The following PTPRO variants were observed in gnomAD, a reference collection of about 807,000 sequenced individuals.
The protein encoded by PTPRO is receptor-type tyrosine-protein phosphatase O.
PTPRO carries 62 observed loss-of-function variants against 145.2 expected under a neutral mutation model. The observed-to-expected ratio is 0.43, with a 90% CI of 0.35 to 0.53. The LOEUF is 0.53. PTPRO is among the 20% of genes least tolerant of loss of function. The probability of loss-of-function intolerance (pLI) is 0.01; values close to 1 mark genes in which losing one functional copy is unlikely to be tolerated. For synonymous variants in PTPRO, 565 were observed against 514.7 expected (o/e 1.10, Z -1.32); for missense variants, 1,345 against 1,482.7 (o/e 0.91, Z 1.53).
At chr12:15,546,408 C>A in intron 12 of PTPRO, 161 bp from the exon 13 acceptor site, 1 of 1,444,060 alleles carries the variant, frequency 6.9e-7, no homozygotes, top group Non-Finnish European at 9.1e-7. Context: ...AGTTAGATAG[C>A]TATCTTTATG....
At chr12:15,503,643 T>C (rs1203250980) in intron 5 of PTPRO, among the ~76,000 whole-genome samples, 1 of 152,116 alleles carries the variant, frequency 6.6e-6, no homozygotes, top group African/African-American at 2.4e-5. Context: ...TGGGTAGGAG[T>C]ACATAAAGAT....
intron 1 of PTPRO, among the ~76,000 whole-genome samples, chr12:15,381,714 T>C (rs73301687): frequency 0.15 from 22,484 of 152,174 alleles, 3,750 homozygotes; most frequent in African/African-American, 0.41. Context: ...TGCTAACATA[T>C]GTACTTGCTT....
intron 7 of PTPRO, among the ~76,000 whole-genome samples, chr12:15,509,685 T>C (rs1277527253): frequency 6.7e-5 from 5 of 74,462 alleles, no homozygotes; most frequent in Non-Finnish European, 1.6e-4. Flanking sequence ...AGACTCCGTC[T>C]CAAAAAAAAA....
At chr12:15,447,179 G>A (rs905273786) in intron 1 of PTPRO, among the ~76,000 whole-genome samples, 1 of 152,140 alleles carries the variant, frequency 6.6e-6, no homozygotes, top group African/African-American at 2.4e-5. Context: ...ATTATGACAA[G>A]TGAAATAGAA....
intron 1 of PTPRO, among the ~76,000 whole-genome samples, chr12:15,344,843 G>A (rs573200591): frequency 2.9e-4 from 44 of 152,030 alleles, no homozygotes; most frequent in Non-Finnish European, 7.4e-5. Flanking sequence ...GTTCCTGCTC[G>A]GGAAGAACTC....
intron 9 of PTPRO, among the ~76,000 whole-genome samples, chr12:15,519,165 A>G (rs1234748549): frequency 6.6e-6 from 1 of 152,214 alleles, no homozygotes; most frequent in African/African-American, 2.4e-5. Flanking sequence ...CATGTCTTAC[A>G]TGGATGGCAC....
At chr12:15,480,569 C>T (rs1227710036) in intron 1 of PTPRO, among the ~76,000 whole-genome samples, 4 of 152,158 alleles carry the variant, frequency 2.6e-5, no homozygotes, top group Admixed American at 2.6e-4. Flanking sequence ...GGACCCCCTC[C>T]TTTTCAGGAT....
At chr12:15,536,053 T>TAAA (rs1555174363) in intron 12 of PTPRO, among the ~76,000 whole-genome samples, 12 of 152,168 alleles carry the variant, frequency 7.9e-5, no homozygotes, top group South Asian at 4.2e-4. Flanking sequence ...TATACTTTTT[T>TAAA]AAAAAATTAT....
chr12:15,331,944 TTTTG>T (rs1278308508), intron 1 of PTPRO, among the ~76,000 whole-genome samples: 62 of 151,646 alleles, frequency 4.1e-4, no homozygotes, highest in African/African-American at 1.4e-3. Flanking sequence ...ATAGTATCCT[TTTTG>T]TTTCTCTTTC....
At chr12:15,496,569 C>G (rs1189907842) in intron 2 of PTPRO, among the ~76,000 whole-genome samples, 20 of 152,016 alleles carry the variant, frequency 1.3e-4, no homozygotes. Flanking sequence ...AGGCATATAT[C>G]GATCATGGAT....
intron 12 of PTPRO, among the ~76,000 whole-genome samples, chr12:15,528,100 T>C (rs1942879971): frequency 6.6e-6 from 1 of 151,498 alleles, no homozygotes; most frequent in Admixed American, 6.6e-5. Flanking sequence ...GAAAAACACA[T>C]CACAGCAGAA....
Position 15,595,053 on chromosome 12 carries a change from G to A in PTPRO, c.*12G>A. 6.3e-7 allele frequency: 1 copy of A among 1,599,482 alleles called. No individual in the cohort carries two copies. The highest frequency in any genetic ancestry group is 8.6e-7 in the Non-Finnish European group (1 of 1,167,060). On this transcript the variant is annotated 3_prime_UTR_variant, in exon 26 of 27. Transcript: ENST00000281171. ...TTAGCAAGTCCTAGTTCAGAATCCG[G>A]AGCAGTAAGTGGAGAAGAGCTCTCC...
At position 15,581,811 on chromosome 12, in the gene PTPRO, C is replaced by T; in HGVS notation, c.3255+10C>T. The T allele has an allele frequency of 6.2e-7, 1 of 1,613,558 alleles. No individual in the cohort carries two copies. The highest frequency in any genetic ancestry group is 1.1e-5 in the South Asian group (1 of 91,070). ...CTTCCGGATCAACTATGTAAGTCAC[C>T]AGGCAGAGAGCAGGTGCTGTCCCTA... On this transcript the variant is annotated intron_variant, in intron 23 of 26. Coordinates refer to ENST00000281171, the MANE Select transcript of PTPRO (RefSeq NM_030667.3).
intron 1 of PTPRO, among the ~76,000 whole-genome samples, chr12:15,385,211 A>G (rs1326833088): frequency 6.6e-6 from 1 of 152,218 alleles, no homozygotes; most frequent in Non-Finnish European, 1.5e-5. Context: ...CTCCAGATAC[A>G]AAGTGTGTTA....
chr12:15,356,627 A>G (rs1036535155), intron 1 of PTPRO, among the ~76,000 whole-genome samples: 2 of 152,178 alleles, frequency 1.3e-5, no homozygotes, highest in African/African-American at 4.8e-5. Context: ...TAATGGCTGA[A>G]TAGTATAGCA....
chr12:15,472,153 G>T (rs1941557125), intron 1 of PTPRO, among the ~76,000 whole-genome samples: 1 of 152,094 alleles, frequency 6.6e-6, no homozygotes, highest in Non-Finnish European at 1.5e-5. Flanking sequence ...TCATTTATTG[G>T]GTTGCCAGCT....
At chr12:15,473,986 C>T (rs7135120) in intron 1 of PTPRO, among the ~76,000 whole-genome samples, 5,504 of 152,198 alleles carry the variant, frequency 0.036, 149 homozygotes, top group African/African-American at 0.064. Flanking sequence ...CTAGTTCTCA[C>T]AGGTAAAAGG....
At position 15,597,740 on chromosome 12, in the gene PTPRO, G is replaced by A. The variant is rs949528474; in HGVS notation, c.*1667G>A. ...TAACAGCTTGGGCTCCTCAGGGGTT[G>A]TCAGTTCCTACTCACCTCCCTGCTA... On this transcript the variant is annotated 3_prime_UTR_variant, in exon 27 of 27. Transcript: ENST00000281171. Among the ~76,000 whole-genome samples, 2 of 152,164 alleles carry A rather than the reference G, an allele frequency of 1.3e-5. No individual in the cohort carries two copies. Among genetic ancestry groups the A allele is most frequent in the African/African-American group, 4.8e-5 (2 of 41,428 alleles).
intron 16 of PTPRO, among the ~76,000 whole-genome samples, chr12:15,559,645 A>T (rs1943722826): frequency 6.6e-6 from 1 of 152,126 alleles, no homozygotes; most frequent in South Asian, 2.1e-4. Flanking sequence ...TATATTTATA[A>T]ATTTTATAGT....
Sources: gnomAD v4.1 joint callset for allele counts (sites outside exome capture counted in the v4.1 genomes callset) on GRCh38, gnomAD v4.1.1 for gene constraint, MANE v1.5 for transcripts, NCBI Gene and HGNC (gene_info 2026-07-23, HGNC 2026-07-21) for gene names.